Variants in ADGRF5 observed in about 807,000 individuals in gnomAD.
The protein encoded by ADGRF5 is G-protein coupled receptor 116.
In ADGRF5, 75 loss-of-function variants were observed where a neutral mutation model predicts 132.3. The observed-to-expected ratio is 0.57, with a 90% CI of 0.47 to 0.69. ADGRF5 has a LOEUF of 0.69. ADGRF5 is among the 30% of genes least tolerant of loss of function. The probability of loss-of-function intolerance (pLI) is 0.00; values close to 1 mark genes in which losing one functional copy is unlikely to be tolerated. For synonymous variants in ADGRF5, 629 were observed against 597.6 expected (o/e 1.05, Z -0.77); for missense variants, 1,516 against 1,630.6 (o/e 0.93, Z 1.21).
upstream of ADGRF5, among the ~76,000 whole-genome samples, chr6:46,923,934 C>T (rs1004194401): frequency 2.0e-5 from 3 of 152,112 alleles, no homozygotes; most frequent in African/African-American, 7.2e-5. Context: ...TGGCTGAACC[C>T]AAATTTCTTG....
chr6:46,864,819 C>T (rs1399294058), intron 14 of ADGRF5, among the ~76,000 whole-genome samples: 3 of 152,152 alleles, frequency 2.0e-5, no homozygotes, highest in African/African-American at 7.2e-5. Flanking sequence ...CCACCGCACC[C>T]GGCCAATAAC....
chr6:46,857,013 T>C, intron 17 of ADGRF5, 105 bp from the exon 18 acceptor site: 1 of 870,918 alleles, frequency 1.1e-6, no homozygotes, highest in Non-Finnish European at 1.9e-6. Context: ...TACTTCTTTT[T>C]CCTTCTGAGT....
chr6:46,871,440 C>A (rs1771047989), intron 11 of ADGRF5, among the ~76,000 whole-genome samples: 1 of 151,884 alleles, frequency 6.6e-6, no homozygotes, highest in Non-Finnish European at 1.5e-5. Context: ...GGGGAGTGAG[C>A]CAGGCTGTTG....
intron 1 of ADGRF5, among the ~76,000 whole-genome samples, chr6:46,914,898 C>A (rs954400579): frequency 2.6e-5 from 4 of 151,816 alleles, no homozygotes; most frequent in Non-Finnish European, 5.9e-5. Context: ...CTGAGACACC[C>A]TGGCTGGAGT....
chr6:46,915,448 G>C lies in ADGRF5; in HGVS notation c.-25+6265C>G, dbSNP rs567996388. Among the ~76,000 whole-genome samples, 8 of 152,202 alleles carry C rather than the reference G, an allele frequency of 5.3e-5. No individual in the cohort carries two copies. In the East Asian group the frequency reaches 1.6e-3, roughly 29 times the overall value. On this transcript the variant is annotated intron_variant, in intron 1 of 20. Coordinates refer to ENST00000283296, the MANE Select transcript of ADGRF5 (RefSeq NM_001098518.2). Reference sequence around the variant, plus strand: ...TAGGATCCCAGGAAAGGGACTGGATGACTAAAGAAGAGGTGGGGAGGCACT... The same window carrying C: ...TAGGATCCCAGGAAAGGGACTGGATCACTAAAGAAGAGGTGGGGAGGCACT...
chr6:46,877,229 T>C (rs1030163822), intron 10 of ADGRF5, among the ~76,000 whole-genome samples: 2 of 21,444 alleles, frequency 9.3e-5, no homozygotes, highest in Non-Finnish European at 1.9e-4. Context: ...TTTCCTCTCT[T>C]TCTTTCTTTC....
chr6:46,927,888 A>G (rs1777335776), intron 1 of ADGRF5, among the ~76,000 whole-genome samples: 1 of 152,202 alleles, frequency 6.6e-6, no homozygotes, highest in African/African-American at 2.4e-5. Flanking sequence ...AGCAAGCTTT[A>G]TTGCAGAAGT....
At position 46,900,032 on chromosome 6, in the gene ADGRF5, C is replaced by G. The variant is rs1300313956; in HGVS notation, c.154G>C (p.Ala52Pro). ...TGCCAAGCAAGAGTTTACATACCGG[C>G]TCGTTTTTGCCTCAGTGCCTCTTCA... ...AGEEALRQKRAVATKSPTAEE... is the reference protein window; with the variant it reads ...AGEEALRQKRPVATKSPTAEE... The change falls in exon 3 of 21, where the codon GCC (alanine) becomes CCC (proline). Residue 52 changes from alanine to proline, a missense_variant. This residue lies in a region of ADGRF5 where 945 missense variants were observed against 929.4 expected (regional missense o/e 1.02). Coordinates refer to ENST00000283296, the MANE Select transcript of ADGRF5 (RefSeq NM_001098518.2). 7 of 1,607,632 alleles carry G rather than the reference C, an allele frequency of 4.4e-6. No homozygotes were observed. The highest frequency in any genetic ancestry group is 6.0e-6 in the Non-Finnish European group (7 of 1,174,094).
intron 3 of ADGRF5, among the ~76,000 whole-genome samples, chr6:46,889,181 GTA>G (rs1773366693): frequency 2.5e-5 from 2 of 80,734 alleles, no homozygotes; most frequent in Non-Finnish European, 5.0e-5. Flanking sequence ...GTGTGTATGT[GTA>G]TACATATATA....
intron 3 of ADGRF5, among the ~76,000 whole-genome samples, chr6:46,899,330 A>G (rs1430901364): frequency 6.6e-6 from 1 of 152,054 alleles, no homozygotes; most frequent in Admixed American, 6.5e-5. Flanking sequence ...GGAGCCCATG[A>G]AGAGTTCTAT....
chr6:46,900,013 G>A lies in ADGRF5; in HGVS notation c.157+16C>T. 1 of 1,582,428 alleles carries A rather than the reference G, an allele frequency of 6.3e-7. No individual in the cohort carries two copies. The highest frequency in any genetic ancestry group is 8.7e-7 in the Non-Finnish European group (1 of 1,150,990). The stretch of plus-strand genomic sequence containing the variant: ...GTCAACTTATAAAAGGGATTGCCAA[G>A]CAAGAGTTTACATACCGGCTCGTTT... On this transcript the variant is annotated intron_variant, in intron 3 of 20. Coordinates refer to ENST00000283296, the MANE Select transcript of ADGRF5 (RefSeq NM_001098518.2).
intron 8 of ADGRF5, among the ~76,000 whole-genome samples, chr6:46,881,076 G>C (rs966142249): frequency 1.3e-5 from 2 of 152,324 alleles, no homozygotes; most frequent in Non-Finnish European, 2.9e-5. Flanking sequence ...CTCCAGCCGG[G>C]ATGACAGAGG....
chr6:46,867,251 TAC>T, intron 12 of ADGRF5, 114 bp from the exon 13 acceptor site: 1 of 638,840 alleles, frequency 1.6e-6, no homozygotes, highest in Non-Finnish European at 2.8e-6. Flanking sequence ...AGTAAAGGAA[TAC>T]CACAACTTCC....
intron 19 of ADGRF5, among the ~76,000 whole-genome samples, 158 bp downstream of exon 19, chr6:46,856,560 G>A (rs570107014): frequency 2.0e-5 from 3 of 152,274 alleles, no homozygotes; most frequent in African/African-American, 7.2e-5. Flanking sequence ...AATGATCTAT[G>A]CCAAATACAG....
chr6:46,865,272 A>G, intron 13 of ADGRF5, 75 bp from the exon 14 acceptor site: 1 of 1,026,520 alleles, frequency 9.7e-7, no homozygotes, highest in Non-Finnish European at 1.5e-6. Context: ...AGATAACCTA[A>G]TATGAATAAA....
chr6:46,885,449 G>A (rs1394320172), intron 4 of ADGRF5, among the ~76,000 whole-genome samples: 2 of 152,008 alleles, frequency 1.3e-5, no homozygotes, highest in Non-Finnish European at 2.9e-5. Context: ...CCCTGCTTAG[G>A]ACACAAAGAC....
rs1450159468 is a variant in ADGRF5 at position 46,859,451 on chromosome 6, A to G, written c.2452T>C (p.Trp818Arg). 6.2e-7 allele frequency: 1 copy of G among 1,613,494 alleles called. No homozygotes were observed. Among genetic ancestry groups the G allele is most frequent in the African/African-American group, 1.3e-5 (1 of 74,924 alleles). Residue 818 changes from tryptophan (W) to arginine (R), a missense_variant, in exon 17 of 21, where the codon TGG becomes CGG. This residue lies in a region of ADGRF5 where 571 missense variants were observed against 701.2 expected (regional missense o/e 0.81). Transcript: ENST00000283296. Reference sequence around the variant, plus strand: ...AGTAGCTGTGAACTCTGATTGGTCCATTGCTGTTGTAAAACCTTCCAGGTG... The same window carrying G: ...AGTAGCTGTGAACTCTGATTGGTCCGTTGCTGTTGTAAAACCTTCCAGGTG... ...LNTWKVLQQQ[W>R]TNQSSQLLHS... is the part of the protein sequence containing the mutation.
At chr6:46,942,686 A>G (rs1397883834) in intron 1 of ADGRF5, among the ~76,000 whole-genome samples, 3 of 152,222 alleles carry the variant, frequency 2.0e-5, no homozygotes, top group Admixed American at 6.5e-5. Flanking sequence ...CACATAGGAC[A>G]CTTTTCATTC....
At chr6:46,897,412 T>A (rs1236970948) in intron 3 of ADGRF5, among the ~76,000 whole-genome samples, 2 of 151,710 alleles carry the variant, frequency 1.3e-5, no homozygotes, top group Non-Finnish European at 2.9e-5. Context: ...AAGGGAGAGG[T>A]ATGTGTATGT....
Sources: gnomAD v4.1 joint callset for allele counts (sites outside exome capture counted in the v4.1 genomes callset) on GRCh38, gnomAD v4.1.1 for gene constraint, gnomAD v4.1.1 regional missense constraint, MANE v1.5 for transcripts, NCBI Gene and HGNC (gene_info 2026-07-23, HGNC 2026-07-21) for gene names.